Variants in TECRL observed in about 807,000 individuals in gnomAD.
TECRL encodes trans-2,3-enoyl-CoA reductase like, also known as trans-2,3-enoyl-CoA reductase-like.
A neutral mutation model predicts 52.8 loss-of-function variants in TECRL; 63 were observed. That is an observed-to-expected ratio of 1.19 (90% CI 0.97 to 1.47). The LOEUF (loss-of-function observed/expected upper bound fraction) is 1.47, where lower values mean the gene tolerates loss of function less well. Ranked by LOEUF, TECRL falls within the 40% of genes most tolerant of loss-of-function variation. TECRL has a pLI of 0.00. For synonymous variants in TECRL, 164 were observed against 141.9 expected, an observed-to-expected ratio of 1.16 and a Z score of -1.10; for missense variants, 482 against 429.6, an observed-to-expected ratio of 1.12 and a Z score of -1.08.
intron 2 of TECRL, among the ~76,000 whole-genome samples, chr4:64,331,667 G>T (rs1718652316): frequency 6.6e-6 from 1 of 151,988 alleles, no homozygotes; most frequent in Non-Finnish European, 1.5e-5. Flanking sequence ...AAACCTACAG[G>T]ATTTTTTGAG....
chr4:64,387,753 A>G (rs1723278155), intron 1 of TECRL, among the ~76,000 whole-genome samples: 1 of 151,880 alleles, frequency 6.6e-6, no homozygotes, highest in Non-Finnish European at 1.5e-5. Flanking sequence ...TTTGGCTTTT[A>G]ATTTTTCTGT....
At position 64,314,630 on chromosome 4, in the gene TECRL, TG is replaced by T; in HGVS notation, c.551+17del. The T allele has an allele frequency of 9.5e-7, 1 of 1,052,100 alleles. No homozygotes were observed. Among genetic ancestry groups the T allele is most frequent in the Non-Finnish European group, 1.5e-6 (1 of 685,658 alleles). 65.2% of individuals were successfully genotyped at this position (1,052,100 alleles called of 1,614,324 possible). A position where few individuals can be genotyped will look rare whatever the true frequency, so the allele number is the denominator to read the frequency against. ...GTGTGTGTGTGTGTGTGTGTGTGTG[TG>T]TGTGTGTATCACTTACTGTACCACT... On this transcript the variant is annotated intron_variant, in intron 5 of 11. Transcript: ENST00000381210.
intron 2 of TECRL, among the ~76,000 whole-genome samples, chr4:64,363,319 C>T (rs1419233765): frequency 6.6e-6 from 1 of 152,094 alleles, no homozygotes; most frequent in South Asian, 2.1e-4. Context: ...GACCTAAAAT[C>T]GACACTTTAA....
Position 64,314,682 on chromosome 4 carries a change from CTT to C in TECRL, c.515_516del (p.Lys172ArgfsTer4), listed in dbSNP as rs1402891925. 5.0e-6 allele frequency: 8 copies of C among 1,611,604 alleles called. No homozygotes were observed. Among genetic ancestry groups the C allele is most frequent in the Non-Finnish European group, 5.9e-6 (7 of 1,178,940 alleles). ...YLRIPCIYDG[K>X]ESARRLRHPV... ...GGGTGGCGTAATCTTCTAGCACTCT[CTT>C]TTCCATCATATATACATGGGATCCT... On this transcript the variant is annotated frameshift_variant, in exon 5 of 12. Coordinates refer to ENST00000381210, the MANE Select transcript of TECRL (RefSeq NM_001010874.5). LOFTEE classifies it high-confidence loss of function.
intron 7 of TECRL, among the ~76,000 whole-genome samples, chr4:64,301,175 T>C (rs1415169342): frequency 6.6e-6 from 1 of 150,830 alleles, no homozygotes; most frequent in Non-Finnish European, 1.5e-5. Flanking sequence ...TAGAGAAAAG[T>C]AGTAAGGGAA....
chr4:64,327,511 C>T (rs1435362211), intron 3 of TECRL, among the ~76,000 whole-genome samples: 1 of 151,996 alleles, frequency 6.6e-6, no homozygotes, highest in African/African-American at 2.4e-5. Flanking sequence ...ATGTGCTAGG[C>T]CCTATGAAGG....
At chr4:64,374,052 C>CATATATATATATATAGTAGATACAT (rs1560538656) in intron 2 of TECRL, among the ~76,000 whole-genome samples, 1,855 of 105,820 alleles carry the variant, frequency 0.018, 21 homozygotes, top group South Asian at 0.022. Flanking sequence ...ATAGTAGATA[C>CATATATATATATATAGTAGATACAT]ATATATATAT....
chr4:64,280,801 T>C (rs937039989), intron 11 of TECRL, among the ~76,000 whole-genome samples: 15 of 152,136 alleles, frequency 9.9e-5, no homozygotes, highest in Admixed American at 9.8e-4. Flanking sequence ...CAAAACTTCA[T>C]TGCTTAATAA....
intron 10 of TECRL, among the ~76,000 whole-genome samples, 180 bp downstream of exon 10, chr4:64,281,294 A>G (rs1722815596): frequency 1.3e-5 from 2 of 151,946 alleles, no homozygotes; most frequent in African/African-American, 4.8e-5. Flanking sequence ...AATGAAAGAC[A>G]TTGTTTAATA....
chr4:64,361,858 C>G (rs1721225769), intron 2 of TECRL, among the ~76,000 whole-genome samples: 1 of 152,080 alleles, frequency 6.6e-6, no homozygotes, highest in African/African-American at 2.4e-5. Context: ...AGTTCTTAAC[C>G]AAGTAAATGG....
intron 6 of TECRL, 47 bp from the exon 7 acceptor site, chr4:64,305,285 A>C (rs200212805): frequency 1.3e-6 from 2 of 1,528,576 alleles, no homozygotes; most frequent in Non-Finnish European, 1.8e-6. Flanking sequence ...AATATGTAAT[A>C]TATATTTCAA....
intron 1 of TECRL, among the ~76,000 whole-genome samples, chr4:64,385,896 C>T (rs1723149327): frequency 6.6e-6 from 1 of 152,146 alleles, no homozygotes; most frequent in Non-Finnish European, 1.5e-5. Context: ...CTTACCTTTT[C>T]CCCACACTTG....
intron 1 of TECRL, among the ~76,000 whole-genome samples, chr4:64,398,505 A>G (rs1011386610): frequency 2.6e-5 from 4 of 152,144 alleles, no homozygotes; most frequent in African/African-American, 9.7e-5. Flanking sequence ...TTTTCACCAT[A>G]TGATACACCT....
intron 1 of TECRL, among the ~76,000 whole-genome samples, chr4:64,393,147 T>G (rs969443572): frequency 2.0e-5 from 3 of 151,988 alleles, no homozygotes; most frequent in Non-Finnish European, 4.4e-5. Flanking sequence ...TACCAAAATC[T>G]GTGATATAAT....
chr4:64,363,019 A>G (rs1721307132), intron 2 of TECRL, among the ~76,000 whole-genome samples: 1 of 152,136 alleles, frequency 6.6e-6, no homozygotes. Context: ...CACATAAAAA[A>G]AAAAAAAGAA....
At chr4:64,355,163 T>C (rs1446867734) in intron 2 of TECRL, among the ~76,000 whole-genome samples, 1 of 152,102 alleles carries the variant, frequency 6.6e-6, no homozygotes, top group Non-Finnish European at 1.5e-5. Context: ...AAAAGTTGGA[T>C]AGGTCATTAT....
At chr4:64,295,232 G>T (rs749515747) in intron 8 of TECRL, among the ~76,000 whole-genome samples, 1 of 151,108 alleles carries the variant, frequency 6.6e-6, no homozygotes, top group Non-Finnish European at 1.5e-5. Flanking sequence ...ATAAATAATG[G>T]TAAGACTCTA....
chr4:64,320,489 G>A (rs1181822313), intron 4 of TECRL, among the ~76,000 whole-genome samples: 1 of 151,898 alleles, frequency 6.6e-6, no homozygotes, highest in Non-Finnish European at 1.5e-5. Context: ...TGATCCATGG[G>A]GTTGATGTAG....
intron 1 of TECRL, among the ~76,000 whole-genome samples, chr4:64,402,252 T>A (rs1352599591): frequency 6.6e-6 from 1 of 152,092 alleles, no homozygotes; most frequent in Non-Finnish European, 1.5e-5. Flanking sequence ...TCTCAAACTA[T>A]GTAGAGTAAA....
Sources: gnomAD v4.1 joint callset for allele counts (sites outside exome capture counted in the v4.1 genomes callset) on GRCh38, gnomAD v4.1.1 for gene constraint, MANE v1.5 for transcripts, NCBI Gene and HGNC (gene_info 2026-07-23, HGNC 2026-07-21) for gene names.